Variants in GREM2 observed in about 807,000 individuals in gnomAD.
GREM2 encodes the protein gremlin-2.
In GREM2, 11 loss-of-function variants were observed where a neutral mutation model predicts 14.2. The observed-to-expected ratio is 0.78, with a 90% confidence interval of 0.49 to 1.28. The LOEUF (loss-of-function observed/expected upper bound fraction) is 1.28. Among genes scored for constraint, GREM2 ranks in the 50% most tolerant of loss-of-function variants. The probability of loss-of-function intolerance (pLI) is 0.00; values close to 1 mark genes in which losing one functional copy is unlikely to be tolerated. For missense variants in GREM2, 210 were observed against 218.5 expected, an observed-to-expected ratio of 0.96 and a Z score of 0.24; for synonymous variants, 98 against 97.6, an observed-to-expected ratio of 1.00 and a Z score of -0.02.
chr1:240,530,414 G>A (rs1166555112), intron 1 of GREM2: 1 of 152,006 alleles, frequency 6.6e-6, no homozygotes, highest in Non-Finnish European at 1.5e-5. Flanking sequence ...ATCATTTCTG[G>A]TTCGCACACA....
intron 1 of GREM2, among the ~76,000 whole-genome samples, chr1:240,600,424 G>A (rs1342597977): frequency 6.6e-6 from 1 of 152,060 alleles, no homozygotes; most frequent in Non-Finnish European, 1.5e-5. Flanking sequence ...GTACCTATGT[G>A]TCCATGTCTT....
chr1:240,509,408 GC>G (rs1276910114), intron 1 of GREM2, among the ~76,000 whole-genome samples: 1 of 127,814 alleles, frequency 7.8e-6, no homozygotes, highest in Non-Finnish European at 1.6e-5. Flanking sequence ...CACTCTTGTT[GC>G]CCAGGCTGGA....
intron 1 of GREM2, among the ~76,000 whole-genome samples, chr1:240,528,200 T>A (rs1235386960): frequency 6.6e-6 from 1 of 152,218 alleles, no homozygotes; most frequent in Non-Finnish European, 1.5e-5. Flanking sequence ...CATTTAAATA[T>A]CTATTTGAGT....
intron 1 of GREM2, among the ~76,000 whole-genome samples, chr1:240,524,221 C>T (rs1267312274): frequency 6.6e-6 from 1 of 152,172 alleles, no homozygotes; most frequent in Non-Finnish European, 1.5e-5. Context: ...TAAAATGTTG[C>T]CAGGTTGGTA....
At chr1:240,523,816 T>A (rs1192915213) in intron 1 of GREM2, among the ~76,000 whole-genome samples, 1 of 152,214 alleles carries the variant, frequency 6.6e-6, no homozygotes, top group Non-Finnish European at 1.5e-5. Context: ...TAGCTGCAAT[T>A]TTGATAGGCA....
intron 1 of GREM2, among the ~76,000 whole-genome samples, chr1:240,567,760 A>G (rs1679196102): frequency 6.6e-6 from 1 of 152,196 alleles, no homozygotes; most frequent in Non-Finnish European, 1.5e-5. Context: ...GTAAATATAG[A>G]AGACTTTTTT....
At chr1:240,547,043 C>A (rs1293543922) in intron 1 of GREM2, among the ~76,000 whole-genome samples, 3 of 151,958 alleles carry the variant, frequency 2.0e-5, no homozygotes, top group South Asian at 2.1e-4. Flanking sequence ...GGATGTGGTG[C>A]CTGGCCTGGC....
intron 1 of GREM2, among the ~76,000 whole-genome samples, chr1:240,530,089 G>C (rs1678317796): frequency 6.6e-6 from 1 of 152,088 alleles, no homozygotes; most frequent in South Asian, 2.1e-4. Context: ...AGAAAAGGTA[G>C]TACCTCAACA....
intron 1 of GREM2, among the ~76,000 whole-genome samples, chr1:240,610,376 T>C (rs184013814): frequency 1.5e-3 from 233 of 152,318 alleles, no homozygotes; most frequent in African/African-American, 5.2e-3. Flanking sequence ...TGACACGATT[T>C]CAAAAAGCAC....
At chr1:240,570,742 C>T (rs1679245548) in intron 1 of GREM2, among the ~76,000 whole-genome samples, 1 of 152,172 alleles carries the variant, frequency 6.6e-6, no homozygotes, top group South Asian at 2.1e-4. Context: ...CCAATAAAGT[C>T]ATTCCAAAAA....
At chr1:240,559,464 C>T (rs370760369) in intron 1 of GREM2, among the ~76,000 whole-genome samples, 1 of 151,704 alleles carries the variant, frequency 6.6e-6, no homozygotes, top group African/African-American at 2.4e-5. Flanking sequence ...CTGCCTCAGC[C>T]TCCCAAGTAG....
At chr1:240,550,827 T>G (rs1414891239) in intron 1 of GREM2, among the ~76,000 whole-genome samples, 2 of 152,206 alleles carry the variant, frequency 1.3e-5, no homozygotes, top group Non-Finnish European at 2.9e-5. Flanking sequence ...AAAGCAAATA[T>G]TGTGCTGACA....
Position 240,526,758 on chromosome 1 carries a change from C to T in GREM2, c.-1-33282G>A, listed in dbSNP as rs770258516. Among the ~76,000 whole-genome samples the T allele has an allele frequency of 6.6e-5, 10 of 151,556 alleles. No individual in the cohort carries two copies. The South Asian group carries it at 8.3e-4, about 13-fold the overall frequency. ...TTCCAAATTACAATGTTCCAAATTACGAAAAAAAAATCTGTGCTTTAGTGA... is the reference window on the plus strand; with the variant it reads ...TTCCAAATTACAATGTTCCAAATTATGAAAAAAAAATCTGTGCTTTAGTGA... On this transcript the variant is annotated intron_variant, in intron 1 of 1. Transcript: ENST00000318160.
At position 240,522,296 on chromosome 1, in the gene GREM2, C is replaced by T. The variant is rs113484911; in HGVS notation, c.-1-28820G>A. Among the ~76,000 whole-genome samples the T allele has an allele frequency of 1.4e-4, 22 of 152,238 alleles. 1 individual carries two copies. Among genetic ancestry groups the T allele is most frequent in the African/African-American group, 4.8e-4 (20 of 41,550 alleles). On this transcript the variant is annotated intron_variant, in intron 1 of 1. Coordinates refer to ENST00000318160, the MANE Select transcript of GREM2 (RefSeq NM_022469.4). ...GAATGCCAGGGAAAGCCGTGAATAA[C>T]ACTCTGGGCAAAGTCCTCCCCTGAC... is the stretch of plus-strand genomic sequence containing the variant.
intron 1 of GREM2, among the ~76,000 whole-genome samples, chr1:240,532,640 TATAGATAGATAGATAG>T (rs199526145): frequency 0.29 from 30,411 of 104,026 alleles, 3,662 homozygotes; most frequent in East Asian, 0.48. Flanking sequence ...AAGAGATATA[TATAGATAGATAGATAG>T]ATAGATAGAT....
chr1:240,563,153 G>A (rs202099505), intron 1 of GREM2, among the ~76,000 whole-genome samples: 6 of 143,102 alleles, frequency 4.2e-5, no homozygotes, highest in African/African-American at 1.8e-4. Context: ...GTGTGAGTGT[G>A]TATGTGTGTA....
chr1:240,540,194 C>T lies in GREM2; in HGVS notation c.-1-46718G>A, dbSNP rs906400836. 5.3e-5 allele frequency among the ~76,000 whole-genome samples: 8 copies of T among 152,206 alleles called. No homozygotes were observed. The highest frequency in any genetic ancestry group is 7.3e-5 in the Non-Finnish European group (5 of 68,038). On this transcript the variant is annotated intron_variant, in intron 1 of 1. Coordinates refer to ENST00000318160, the MANE Select transcript of GREM2 (RefSeq NM_022469.4). This position sits in a 1 kb window ranked among gnomAD's most constrained non-coding sequence, Gnocchi z 4.2. ...ACTATCATTCTGTACACACACCAAA[C>T]CACAGGAGCCTGAGTGAGGGTCCGT...
At chr1:240,522,398 G>A (rs1278950714) in intron 1 of GREM2, among the ~76,000 whole-genome samples, 3 of 152,020 alleles carry the variant, frequency 2.0e-5, no homozygotes, top group Non-Finnish European at 4.4e-5. Flanking sequence ...TGGAACAGTG[G>A]TAATTAAGAC....
At chr1:240,526,629 C>G (rs1423273740) in intron 1 of GREM2, among the ~76,000 whole-genome samples, 1 of 152,224 alleles carries the variant, frequency 6.6e-6, no homozygotes, top group Non-Finnish European at 1.5e-5. Context: ...CTCCCAGGCA[C>G]TCTCTGACCC....
Sources: gnomAD v4.1 joint callset for allele counts (sites outside exome capture counted in the v4.1 genomes callset) on GRCh38, gnomAD v4.1.1 for gene constraint, Gnocchi (gnomAD v3.1) non-coding constraint, MANE v1.5 for transcripts, NCBI Gene and HGNC (gene_info 2026-07-23, HGNC 2026-07-21) for gene names.